The following SUMO2 variants were observed in gnomAD, a reference collection of about 807,000 sequenced individuals.
SUMO2 encodes small ubiquitin like modifier 2.
Under a neutral mutation model 16.0 loss-of-function variants are expected in SUMO2, and 1 was observed. The observed-to-expected ratio is 0.06, with a 90% CI of 0.02 to 0.30. SUMO2 has a LOEUF of 0.30. Ranked by LOEUF, SUMO2 falls within the 10% of genes least tolerant of loss-of-function variation. The probability of loss-of-function intolerance (pLI) is 1.00; values close to 1 mark genes in which losing one functional copy is unlikely to be tolerated. For missense variants in SUMO2, 16 were observed against 117.5 expected (o/e 0.14, Z 3.99); for synonymous variants, 36 against 40.6 (o/e 0.89, Z 0.43).
At chr17:75,174,718 TG>T in intron 3 of SUMO2, 33 bp downstream of exon 3, 1 of 1,581,180 alleles carries the variant, frequency 6.3e-7, no homozygotes. Flanking sequence ...GAATTACAAA[TG>T]GTAATTTTTC....
intron 1 of SUMO2, 60 bp from the exon 2 acceptor site, chr17:75,181,248 A>AAGC: frequency 6.4e-7 from 1 of 1,572,418 alleles, no homozygotes; most frequent in Non-Finnish European, 8.7e-7. Flanking sequence ...ACGTTTTATA[A>AAGC]AGCAGCAGCA....
chr17:75,177,252 A>G (rs974150384), intron 2 of SUMO2, among the ~76,000 whole-genome samples: 1 of 152,078 alleles, frequency 6.6e-6, no homozygotes, highest in Non-Finnish European at 1.5e-5. Flanking sequence ...CTGTAATCCC[A>G]GTTATTCAAG....
chr17:75,178,348 T>C (rs1409163170), intron 2 of SUMO2, among the ~76,000 whole-genome samples: 1 of 151,296 alleles, frequency 6.6e-6, no homozygotes, highest in African/African-American at 2.4e-5. Flanking sequence ...ACCCCGTCTC[T>C]ACAAAAAATA....
In SUMO2 at chr17:75,167,018, C is replaced by G. The variant is rs146964734; in HGVS notation, c.*1321G>C. 6.6e-6 allele frequency: 1 copy of G among 151,292 alleles called. No individual in the cohort carries two copies. The highest frequency in any genetic ancestry group is 6.7e-5 in the Admixed American group (1 of 15,014). The allele number at this position is 151,292 out of a possible 1,614,324, so 9.4% of individuals were successfully genotyped here. A position where few individuals can be genotyped will look rare whatever the true frequency, so the allele number is the denominator to read the frequency against. On this transcript the variant is annotated 3_prime_UTR_variant, in exon 4 of 4. Coordinates refer to ENST00000420826, the MANE Select transcript of SUMO2 (RefSeq NM_006937.4). The stretch of plus-strand genomic sequence containing the variant: ...ATGGATATATATAGATATTTTCTGT[C>G]CCTCAATATTCTTGAATAGGCCAGG...
In SUMO2 at chr17:75,167,537, G is replaced by A. The variant is rs2074702171; in HGVS notation, c.*802C>T. The A allele has an allele frequency of 6.6e-6, 1 of 152,024 alleles. No individual in the cohort carries two copies. The highest frequency in any genetic ancestry group is 1.9e-4 in the East Asian group (1 of 5,202). The allele number at this position is 152,024 out of a possible 1,614,324, so 9.4% of individuals were successfully genotyped here. On this transcript the variant is annotated 3_prime_UTR_variant, in exon 4 of 4. Transcript: ENST00000420826. ...TGCTAGTATACTTGCATATTAACAT[G>A]GGACCTAGAGAAACTTTTGGAACAA...
intron 3 of SUMO2, among the ~76,000 whole-genome samples, chr17:75,170,863 A>C (rs994544058): frequency 1.3e-5 from 2 of 151,892 alleles, no homozygotes; most frequent in Non-Finnish European, 1.5e-5. Flanking sequence ...AAAAAAAAAA[A>C]AAAAAACCCA....
At chr17:75,174,887 T>C in intron 2 of SUMO2, 64 bp from the exon 3 acceptor site, 1 of 1,395,756 alleles carries the variant, frequency 7.2e-7, no homozygotes, top group Non-Finnish European at 1.0e-6. Context: ...TACATAAAAG[T>C]ACATGCATAT....
intron 2 of SUMO2, among the ~76,000 whole-genome samples, chr17:75,179,545 A>G (rs1243844697): frequency 3.4e-5 from 5 of 148,156 alleles, no homozygotes; most frequent in South Asian, 2.1e-4. Flanking sequence ...AAAAAAAAAA[A>G]GGTATCTTTA....
chr17:75,172,072 C>G (rs1230719071), intron 3 of SUMO2, among the ~76,000 whole-genome samples: 2 of 150,734 alleles, frequency 1.3e-5, no homozygotes, highest in African/African-American at 4.9e-5. Flanking sequence ...AGTGGCATGA[C>G]CTCCGCGCTC....
At chr17:75,177,711 G>A (rs1181382278) in intron 2 of SUMO2, among the ~76,000 whole-genome samples, 2 of 151,692 alleles carry the variant, frequency 1.3e-5, no homozygotes, top group Non-Finnish European at 1.5e-5. Context: ...AAAGCCAGGC[G>A]TAGTGCTTCA....
intron 3 of SUMO2, among the ~76,000 whole-genome samples, chr17:75,172,371 G>C (rs929448018): frequency 1.4e-5 from 2 of 147,008 alleles, no homozygotes; most frequent in African/African-American, 5.0e-5. Flanking sequence ...CCAGGCTGGA[G>C]TGCAGTGGCA....
rs2074695910 is a variant in SUMO2, at chr17:75,166,713, G to A, written c.*1626C>T. 1 of 152,222 alleles carries A rather than the reference G, an allele frequency of 6.6e-6. No individual in the cohort carries two copies. The highest frequency in any genetic ancestry group is 1.5e-5 in the Non-Finnish European group (1 of 68,196). 9.4% of individuals were successfully genotyped at this position (152,222 alleles called of 1,614,324 possible). A position where few individuals can be genotyped will look rare whatever the true frequency, so the allele number is the denominator to read the frequency against. ...AGGGAGGATCTCTTAAGACCTGGAG[G>A]TGGAGGTTGCAGTGAGCCAAGATCA... On this transcript the variant is annotated 3_prime_UTR_variant, in exon 4 of 4. Coordinates refer to ENST00000420826, the MANE Select transcript of SUMO2 (RefSeq NM_006937.4).
chr17:75,170,497 G>A (rs2074728659), intron 3 of SUMO2, among the ~76,000 whole-genome samples: 1 of 152,140 alleles, frequency 6.6e-6, no homozygotes, highest in Non-Finnish European at 1.5e-5. Flanking sequence ...TTGAACCCGT[G>A]AAGTGGAGGT....
chr17:75,182,932 G>C lies in SUMO2; in HGVS notation c.-98C>G. Reference sequence around the variant, plus strand: ...GCAGCACCAGGAGCGGCAGAAGAAGGAGGCGGCAGCGGTGGACGAGGGGAG... The same window carrying C: ...GCAGCACCAGGAGCGGCAGAAGAAGCAGGCGGCAGCGGTGGACGAGGGGAG... On this transcript the variant is annotated 5_prime_UTR_variant, in exon 1 of 4. Coordinates refer to ENST00000420826, the MANE Select transcript of SUMO2 (RefSeq NM_006937.4). The C allele has an allele frequency of 9.0e-7, 1 of 1,106,436 alleles. No homozygotes were observed. Among genetic ancestry groups the C allele is most frequent in the Non-Finnish European group, 1.2e-6 (1 of 854,744 alleles). The allele number at this position is 1,106,436 out of a possible 1,614,324, so 68.5% of individuals were successfully genotyped here. A position where few individuals can be genotyped will look rare whatever the true frequency, so the allele number is the denominator to read the frequency against.
intron 2 of SUMO2, among the ~76,000 whole-genome samples, chr17:75,178,402 T>C (rs1284253996): frequency 6.7e-6 from 1 of 150,322 alleles, no homozygotes; most frequent in East Asian, 2.0e-4. Context: ...TAGTCCCAGC[T>C]ACTTGGGAGG....
At chr17:75,179,582 C>A (rs941469690) in intron 2 of SUMO2, among the ~76,000 whole-genome samples, 1 of 148,502 alleles carries the variant, frequency 6.7e-6, no homozygotes. Flanking sequence ...AGAAGGTTTA[C>A]ATATCAATTA....
In SUMO2 at chr17:75,182,800, G is replaced by C. The variant is rs781216652; in HGVS notation, c.21+14C>G. The C allele has an allele frequency of 1.5e-6, 2 of 1,379,256 alleles. No homozygotes were observed. The highest frequency in any genetic ancestry group is 9.4e-7 in the Non-Finnish European group (1 of 1,058,690). 85.4% of individuals were successfully genotyped at this position (1,379,256 alleles called of 1,614,324 possible). A position where few individuals can be genotyped will look rare whatever the true frequency, so the allele number is the denominator to read the frequency against. ...CACCGCGCGGCGAGGCGAAGGGGCC[G>C]GCGGCGAGCTCACCTTGGGCTTTTC... On this transcript the variant is annotated intron_variant, in intron 1 of 3. Transcript: ENST00000420826.
chr17:75,169,991 C>CTAAAAA (rs2074724332), intron 3 of SUMO2, among the ~76,000 whole-genome samples: 1 of 151,576 alleles, frequency 6.6e-6, no homozygotes, highest in South Asian at 2.1e-4. Flanking sequence ...CCAGTCTCTA[C>CTAAAAA]TAAAAATACA....
chr17:75,168,499 C>G, intron 3 of SUMO2, 98 bp from the exon 4 acceptor site: 1 of 1,010,606 alleles, frequency 9.9e-7, no homozygotes, highest in South Asian at 1.6e-5. Flanking sequence ...ACATGTTCCA[C>G]TAAGTTCCAA....
Sources: gnomAD v4.1 joint callset for allele counts (sites outside exome capture counted in the v4.1 genomes callset) on GRCh38, gnomAD v4.1.1 for gene constraint, MANE v1.5 for transcripts, NCBI Gene and HGNC (gene_info 2026-07-23, HGNC 2026-07-21) for gene names.